The following MAP7 variants were observed in gnomAD, a reference collection of about 807,000 sequenced individuals.
The protein encoded by MAP7 is microtubule associated protein 7.
MAP7 carries 52 observed loss-of-function variants against 94.8 expected under a neutral mutation model. That is an observed-to-expected ratio of 0.55 (90% CI 0.44 to 0.69). The LOEUF is 0.69. Among genes scored for constraint, MAP7 ranks in the 30% least tolerant of loss-of-function variants. The probability of loss-of-function intolerance (pLI) is 0.00; values close to 1 mark genes in which losing one functional copy is unlikely to be tolerated. For missense variants in MAP7, 940 were observed against 964.6 expected, an observed-to-expected ratio of 0.97 and a Z score of 0.34; for synonymous variants, 350 against 357.0, an observed-to-expected ratio of 0.98 and a Z score of 0.22.
intron 8 of MAP7, among the ~76,000 whole-genome samples, chr6:136,370,240 G>A (rs749534123): frequency 7.2e-5 from 11 of 152,168 alleles, no homozygotes; most frequent in Non-Finnish European, 1.6e-4. Context: ...CATTCCTTAA[G>A]GTGGCTGTTA....
intron 16 of MAP7, among the ~76,000 whole-genome samples, chr6:136,354,433 GATAT>G (rs542257032): frequency 4.3e-5 from 6 of 139,254 alleles, no homozygotes; most frequent in African/African-American, 1.1e-4. Context: ...ATATATAGTA[GATAT>G]ATATATATAG....
chr6:136,458,616 A>T (rs1804143096), intron 1 of MAP7, among the ~76,000 whole-genome samples: 1 of 152,072 alleles, frequency 6.6e-6, no homozygotes, highest in African/African-American at 2.4e-5. Flanking sequence ...TAAGCCCACA[A>T]ATATATGGTC....
chr6:136,386,760 A>G (rs1028113905), intron 5 of MAP7, among the ~76,000 whole-genome samples: 1 of 152,222 alleles, frequency 6.6e-6, no homozygotes, highest in Admixed American at 6.5e-5. Flanking sequence ...GTTCACTGTC[A>G]TAAGAAAGTA....
intron 15 of MAP7, among the ~76,000 whole-genome samples, chr6:136,359,349 G>C (rs188968055): frequency 3.7e-4 from 57 of 152,118 alleles, no homozygotes; most frequent in African/African-American, 1.2e-3. Flanking sequence ...TCAGATCTAA[G>C]ATAAATAACA....
intron 1 of MAP7, among the ~76,000 whole-genome samples, chr6:136,501,036 TTA>T: frequency 6.6e-6 from 1 of 152,238 alleles, no homozygotes; most frequent in Admixed American, 6.5e-5. Context: ...AATGTAAATT[TTA>T]TGTTTTACAA....
At chr6:136,393,542 AG>A (rs1246328495) in intron 3 of MAP7, among the ~76,000 whole-genome samples, 2 of 152,166 alleles carry the variant, frequency 1.3e-5, no homozygotes, top group Non-Finnish European at 2.9e-5. Context: ...CTGTACTCTA[AG>A]GTCTTCCACA....
intron 1 of MAP7, among the ~76,000 whole-genome samples, chr6:136,437,664 G>T (rs914920890): frequency 6.6e-6 from 1 of 152,058 alleles, no homozygotes; most frequent in African/African-American, 2.4e-5. Context: ...AGCCTACAAT[G>T]AAACATCAGC....
intron 1 of MAP7, among the ~76,000 whole-genome samples, chr6:136,497,797 C>CAA (rs1199112585): frequency 0.023 from 1,023 of 44,600 alleles, 1 homozygote; most frequent in Non-Finnish European, 0.032. Context: ...GACTCTGTCA[C>CAA]AAAAAAAAAA....
chr6:136,482,591 G>A (rs982998073), intron 1 of MAP7, among the ~76,000 whole-genome samples: 9 of 142,980 alleles, frequency 6.3e-5, no homozygotes, highest in Non-Finnish European at 1.2e-4. Flanking sequence ...ACAGAGGGAG[G>A]CTCCATCTCA....
At chr6:136,505,715 C>T (rs1253494964) in intron 1 of MAP7, among the ~76,000 whole-genome samples, 3 of 151,966 alleles carry the variant, frequency 2.0e-5, no homozygotes, top group African/African-American at 7.3e-5. Flanking sequence ...ATCTGTACAA[C>T]ACCCGTGACA....
intron 1 of MAP7, among the ~76,000 whole-genome samples, chr6:136,459,202 T>C (rs1562425278): frequency 6.6e-6 from 1 of 152,054 alleles, no homozygotes. Context: ...TCATGAGCTA[T>C]CACCTCACAC....
At chr6:136,433,313 T>C (rs1384133490) in intron 1 of MAP7, among the ~76,000 whole-genome samples, 1 of 152,246 alleles carries the variant, frequency 6.6e-6, no homozygotes, top group African/African-American at 2.4e-5. Context: ...ATATTCTAGA[T>C]TCATCTTCTC....
chr6:136,414,465 C>A (rs1001723556), intron 2 of MAP7, among the ~76,000 whole-genome samples: 4 of 151,792 alleles, frequency 2.6e-5, no homozygotes, highest in Non-Finnish European at 5.9e-5. Flanking sequence ...TTATTAAGGG[C>A]TATCCACAGG....
chr6:136,449,910 C>T (rs537983624), intron 1 of MAP7, among the ~76,000 whole-genome samples: 6 of 152,298 alleles, frequency 3.9e-5, no homozygotes, highest in South Asian at 2.1e-4. Flanking sequence ...AGGCCAGGCA[C>T]GGTGGCGGTG....
At chr6:136,431,651 G>A (rs1048052716) in intron 1 of MAP7, among the ~76,000 whole-genome samples, 11 of 152,134 alleles carry the variant, frequency 7.2e-5, no homozygotes, top group African/African-American at 2.7e-4. Context: ...CCGAGTAGCT[G>A]GGACTACAGG....
At chr6:136,366,164 TTTAGGG>T in intron 9 of MAP7, 146 bp from the exon 10 acceptor site, 1 of 1,067,976 alleles carries the variant, frequency 9.4e-7, no homozygotes. Context: ...ATAGAGTTGC[TTTAGGG>T]AACCATTCCA....
chr6:136,457,788 T>C (rs2128903784), intron 1 of MAP7, among the ~76,000 whole-genome samples: 1 of 152,226 alleles, frequency 6.6e-6, no homozygotes, highest in African/African-American at 2.4e-5. Context: ...GAACTAGGAA[T>C]AGAAGAAAAT....
intron 3 of MAP7, among the ~76,000 whole-genome samples, chr6:136,391,187 G>A (rs578219316): frequency 5.5e-4 from 83 of 151,958 alleles, no homozygotes; most frequent in African/African-American, 1.9e-3. Flanking sequence ...TTAAGAAAAT[G>A]TGGCACATAT....
chr6:136,506,763 C>A (rs759109098), intron 1 of MAP7, among the ~76,000 whole-genome samples: 13 of 152,156 alleles, frequency 8.5e-5, no homozygotes, highest in Non-Finnish European at 1.6e-4. Context: ...ATATTTGAGT[C>A]CTTGTGGACA....
Sources: gnomAD v4.1 joint callset for allele counts (sites outside exome capture counted in the v4.1 genomes callset) on GRCh38, gnomAD v4.1.1 for gene constraint, MANE v1.5 for transcripts, NCBI Gene and HGNC (gene_info 2026-07-23, HGNC 2026-07-21) for gene names.